The following ADGRB3 variants were observed in gnomAD, a reference collection of about 807,000 sequenced individuals.
ADGRB3 encodes the protein adhesion G protein-coupled receptor B3, also known as brain-specific angiogenesis inhibitor 3.
A neutral mutation model predicts 193.4 loss-of-function variants in ADGRB3; 37 were observed. The ratio of observed to expected loss-of-function variants is 0.19; its 90% CI spans 0.15 to 0.25. The LOEUF (loss-of-function observed/expected upper bound fraction) is 0.25, where lower values mean the gene tolerates loss of function less well. Among genes scored for constraint, ADGRB3 ranks in the 10% least tolerant of loss-of-function variants. The pLI is 1.00. For missense variants in ADGRB3, 1,637 were observed against 1,852.9 expected, an observed-to-expected ratio of 0.88 and a Z score of 2.14; for synonymous variants, 690 against 644.2, an observed-to-expected ratio of 1.07 and a Z score of -1.08.
intron 10 of ADGRB3, among the ~76,000 whole-genome samples, chr6:68,990,218 A>T (rs1005521550): frequency 6.6e-6 from 1 of 152,146 alleles, no homozygotes; most frequent in African/African-American, 2.4e-5. Flanking sequence ...TAAGGCAAAA[A>T]AAAGAGAACT....
intron 29 of ADGRB3, among the ~76,000 whole-genome samples, chr6:69,370,296 G>A (rs1769680616): frequency 6.6e-6 from 1 of 152,132 alleles, no homozygotes; most frequent in Non-Finnish European, 1.5e-5. Context: ...GGTCAGTATT[G>A]TGGAAACCTG....
chr6:69,164,439 G>A (rs892951379), intron 17 of ADGRB3, among the ~76,000 whole-genome samples: 2 of 152,088 alleles, frequency 1.3e-5, no homozygotes, highest in African/African-American at 4.8e-5. Context: ...GTAAGCAGAT[G>A]TTATCACATA....
chr6:68,901,256 G>A (rs1042786980), intron 3 of ADGRB3, among the ~76,000 whole-genome samples: 3 of 152,062 alleles, frequency 2.0e-5, no homozygotes, highest in Non-Finnish European at 4.4e-5. Flanking sequence ...GGAGGGGGGT[G>A]GGGTTCTACT....
Position 68,930,551 on chromosome 6 carries a change from G to A in ADGRB3, c.758-8G>A. On this transcript the variant is annotated splice_region_variant and splice_polypyrimidine_tract_variant and intron_variant, in intron 3 of 31. Transcript: ENST00000370598. Reference sequence around the variant, plus strand: ...ACAAGCTTTCATATACCTTTATTCTGTCTTTAGAATTTGGAATGATGGGAG... The same window carrying A: ...ACAAGCTTTCATATACCTTTATTCTATCTTTAGAATTTGGAATGATGGGAG... The A allele has an allele frequency of 6.3e-7, 1 of 1,592,914 alleles. No homozygotes were observed. Among genetic ancestry groups the A allele is most frequent in the Non-Finnish European group, 8.6e-7 (1 of 1,163,634 alleles).
At chr6:68,907,210 T>A (rs186520987) in intron 3 of ADGRB3, among the ~76,000 whole-genome samples, 1 of 152,106 alleles carries the variant, frequency 6.6e-6, no homozygotes, top group African/African-American at 2.4e-5. Context: ...TAGAAATTAT[T>A]GTTTATAATT....
At position 68,789,776 on chromosome 6, in the gene ADGRB3, A is replaced by G. The variant is rs1418269127; in HGVS notation, c.758-140783A>G. Among the ~76,000 whole-genome samples the G allele has an allele frequency of 2.1e-5, 3 of 144,676 alleles. No homozygotes were observed. The South Asian group carries it at 6.7e-4, about 32-fold the overall frequency. The allele number at this position is 144,676 out of a possible 152,430, so 94.9% of individuals were successfully genotyped here. ...CCAACTTGGTTCCATTCTCCCCATC[A>G]CTTTCAGGTACACCAATCAGACATA... is the stretch of plus-strand genomic sequence containing the variant. On this transcript the variant is annotated intron_variant, in intron 3 of 31. Transcript: ENST00000370598.
chr6:68,722,473 TATA>T (rs1765600776), intron 3 of ADGRB3, among the ~76,000 whole-genome samples: 1 of 151,724 alleles, frequency 6.6e-6, no homozygotes, highest in Non-Finnish European at 1.5e-5. Context: ...GACTTTAAAG[TATA>T]ATAATAATTT....
chr6:69,066,140 C>T (rs1771897878), intron 16 of ADGRB3, among the ~76,000 whole-genome samples: 1 of 151,226 alleles, frequency 6.6e-6, no homozygotes, highest in African/African-American at 2.4e-5. Context: ...CACACCCATC[C>T]CCCCACCTCC....
intron 15 of ADGRB3, among the ~76,000 whole-genome samples, chr6:69,054,279 G>A (rs1303210765): frequency 6.6e-6 from 1 of 152,052 alleles, no homozygotes; most frequent in African/African-American, 2.4e-5. Context: ...TAAGATAAAT[G>A]AGGCTGAAAT....
intron 17 of ADGRB3, among the ~76,000 whole-genome samples, chr6:69,119,916 A>G (rs1773637362): frequency 6.6e-6 from 1 of 152,214 alleles, no homozygotes; most frequent in Non-Finnish European, 1.5e-5. Flanking sequence ...TGGGTTATTT[A>G]GAAGCAGAGA....
intron 5 of ADGRB3, among the ~76,000 whole-genome samples, chr6:68,942,803 G>A (rs1189782329): frequency 1.3e-5 from 2 of 152,096 alleles, no homozygotes; most frequent in Non-Finnish European, 2.9e-5. Flanking sequence ...TAGAGATGGT[G>A]TTTCACTATT....
At chr6:68,840,831 G>A (rs1241778978) in intron 3 of ADGRB3, among the ~76,000 whole-genome samples, 1 of 151,994 alleles carries the variant, frequency 6.6e-6, no homozygotes, top group Non-Finnish European at 1.5e-5. Context: ...TAAAAAACAA[G>A]ACCTAATGAT....
intron 29 of ADGRB3, among the ~76,000 whole-genome samples, chr6:69,371,543 CCT>C (rs1769707730): frequency 6.6e-6 from 1 of 151,784 alleles, no homozygotes; most frequent in Admixed American, 6.6e-5. Context: ...TGTTTCATTC[CCT>C]CTCTCATCAA....
At chr6:69,271,687 T>C (rs77287401) in intron 20 of ADGRB3, among the ~76,000 whole-genome samples, 14,674 of 152,102 alleles carry the variant, frequency 0.096, 765 homozygotes, top group Middle Eastern at 0.24. Context: ...ATCTCTCTCT[T>C]TGTCTCTTTC....
chr6:68,824,630 T>G (rs1301842207), intron 3 of ADGRB3, among the ~76,000 whole-genome samples: 1 of 148,244 alleles, frequency 6.7e-6, no homozygotes, highest in African/African-American at 2.5e-5. Context: ...ATATAATATA[T>G]TATATATGTG....
At chr6:69,295,835 A>T (rs909723861) in intron 20 of ADGRB3, among the ~76,000 whole-genome samples, 3 of 152,174 alleles carry the variant, frequency 2.0e-5, no homozygotes, top group Non-Finnish European at 4.4e-5. Flanking sequence ...ACTGCCATGA[A>T]TTGAAGAGGT....
At chr6:69,178,903 A>C (rs1775505942) in intron 17 of ADGRB3, among the ~76,000 whole-genome samples, 1 of 152,170 alleles carries the variant, frequency 6.6e-6, no homozygotes, top group Non-Finnish European at 1.5e-5. Flanking sequence ...GATCTTAGAT[A>C]GCCTGGTGAC....
At chr6:69,013,730 T>C (rs569689783) in intron 11 of ADGRB3, among the ~76,000 whole-genome samples, 2 of 152,048 alleles carry the variant, frequency 1.3e-5, no homozygotes, top group Non-Finnish European at 2.9e-5. Context: ...AACTTACTTG[T>C]ATGGAATAAT....
In ADGRB3 at chr6:68,944,998, C is replaced by T. The variant is rs141656390; in HGVS notation, c.1195+1004C>T. Among the ~76,000 whole-genome samples, 650 of 152,226 alleles carry T rather than the reference C, an allele frequency of 4.3e-3. 2 individuals are homozygous for T. The highest frequency in any genetic ancestry group is 0.015 in the African/African-American group (606 of 41,552). On this transcript the variant is annotated intron_variant, in intron 6 of 31. Coordinates refer to ENST00000370598, the MANE Select transcript of ADGRB3 (RefSeq NM_001704.3). Reference sequence around the variant, plus strand: ...CCTCCAAACATATCCTGAAACTCACCCTCAGTCCCACTGACCGTTTAAATA... The same window carrying T: ...CCTCCAAACATATCCTGAAACTCACTCTCAGTCCCACTGACCGTTTAAATA...
Sources: gnomAD v4.1 joint callset for allele counts (sites outside exome capture counted in the v4.1 genomes callset) on GRCh38, gnomAD v4.1.1 for gene constraint, MANE v1.5 for transcripts, NCBI Gene and HGNC (gene_info 2026-07-23, HGNC 2026-07-21) for gene names.